Variants in TBC1D14 observed in about 807,000 individuals in gnomAD.
TBC1D14 encodes the protein TBC1 domain family member 14, also known as TBC1 domain family, member 14.
TBC1D14 carries 26 observed loss-of-function variants against 79.0 expected under a neutral mutation model. The ratio of observed to expected loss-of-function variants is 0.33; its 90% confidence interval spans 0.24 to 0.46. The LOEUF is 0.46. Among genes scored for constraint, TBC1D14 ranks in the 20% least tolerant of loss-of-function variants. The probability of loss-of-function intolerance (pLI) is 1.00; values close to 1 mark genes in which losing one functional copy is unlikely to be tolerated. For synonymous variants in TBC1D14, 394 were observed against 349.9 expected (o/e 1.13, Z -1.40); for missense variants, 769 against 887.6 (o/e 0.87, Z 1.70).
intron 8 of TBC1D14, among the ~76,000 whole-genome samples, chr4:7,005,249 A>G (rs1255251360): frequency 6.6e-6 from 1 of 152,188 alleles, no homozygotes; most frequent in African/African-American, 2.4e-5. Context: ...AAAATACAAA[A>G]ATTAGGCTGG....
rs1553865896 is a variant in TBC1D14 at position 6,988,899 on chromosome 4, T to TC, written c.844-5285_844-5284insC. ...TTTCTTTCTTTCTTTTTTTTTTTTT[T>TC]TTTTTTTTTGAGACAGGGTCTTGTC... On this transcript the variant is annotated intron_variant, in intron 3 of 13. Coordinates refer to ENST00000409757, the MANE Select transcript of TBC1D14 (RefSeq NM_020773.3). Among the ~76,000 whole-genome samples, 129 of 141,154 alleles carry TC rather than the reference T, an allele frequency of 9.1e-4. 1 individual carries two copies. In the East Asian group the frequency reaches 0.022, roughly 25 times the overall value. The allele number at this position is 141,154 out of a possible 152,430, so 92.6% of individuals were successfully genotyped here. A position where few individuals can be genotyped will look rare whatever the true frequency, so the allele number is the denominator to read the frequency against.
At chr4:6,912,459 G>T (rs1173900744) in intron 1 of TBC1D14, among the ~76,000 whole-genome samples, 1 of 152,100 alleles carries the variant, frequency 6.6e-6, no homozygotes, top group Non-Finnish European at 1.5e-5. Context: ...ATTCTTGATT[G>T]TCCATCTGGA....
intron 3 of TBC1D14, among the ~76,000 whole-genome samples, chr4:6,990,304 C>T (rs550455499): frequency 2.9e-4 from 44 of 152,308 alleles, no homozygotes; most frequent in African/African-American, 1.0e-3. Context: ...CAAAAATTAG[C>T]TGGGCCTGGT....
chr4:7,001,686 C>T (rs772806753), intron 7 of TBC1D14, among the ~76,000 whole-genome samples: 2 of 152,080 alleles, frequency 1.3e-5, no homozygotes, highest in South Asian at 2.1e-4. Context: ...GCTGGGACTG[C>T]GGTCCTTGGG....
intron 3 of TBC1D14, among the ~76,000 whole-genome samples, chr4:6,991,077 G>A (rs1202290459): frequency 2.6e-5 from 4 of 152,210 alleles, no homozygotes; most frequent in Non-Finnish European, 5.9e-5. Context: ...TCTTCTGAAA[G>A]GGTGCCTAAG....
intron 3 of TBC1D14, among the ~76,000 whole-genome samples, chr4:6,980,232 A>G (rs1268653129): frequency 6.6e-6 from 1 of 152,238 alleles, no homozygotes. Context: ...TAGACTAGAA[A>G]ACAGTGACAG....
chr4:7,016,911 G>A lies in TBC1D14; in HGVS notation c.1757+2354G>A, dbSNP rs115879547. Among the ~76,000 whole-genome samples, 934 of 152,256 alleles carry A rather than the reference G, an allele frequency of 6.1e-3. 11 individuals carry two copies. The highest frequency in any genetic ancestry group is 0.021 in the African/African-American group (863 of 41,538). On this transcript the variant is annotated intron_variant, in intron 12 of 13. Coordinates refer to ENST00000409757, the MANE Select transcript of TBC1D14 (RefSeq NM_020773.3). ...AGGGGCAAAGACAAAAGGCACCAGC[G>A]TTTTTTGACTCGAGTGCTTCTCACA... is the stretch of plus-strand genomic sequence containing the variant.
At chr4:6,994,875 A>C (rs1003827924) in intron 4 of TBC1D14, among the ~76,000 whole-genome samples, 5 of 152,136 alleles carry the variant, frequency 3.3e-5, no homozygotes, top group African/African-American at 1.2e-4. Context: ...AAAAAAAAAA[A>C]AAAAAAGAAG....
At position 7,032,018 on chromosome 4, in the gene TBC1D14, C is replaced by T. The variant is rs1016570096; in HGVS notation, c.*1626C>T. ...CCCGTGCCCTCCTTCCCAGCACTATCATGTGTCACGTTTCCCGGACTCTGC... is the reference window on the plus strand; with the variant it reads ...CCCGTGCCCTCCTTCCCAGCACTATTATGTGTCACGTTTCCCGGACTCTGC... On this transcript the variant is annotated 3_prime_UTR_variant, in exon 14 of 14. Coordinates refer to ENST00000409757, the MANE Select transcript of TBC1D14 (RefSeq NM_020773.3). 6.6e-6 allele frequency: 1 copy of T among 152,380 alleles called. No homozygotes were observed. The highest frequency in any genetic ancestry group is 1.5e-5 in the Non-Finnish European group (1 of 68,106). The allele number at this position is 152,380 out of a possible 1,614,324, so 9.4% of individuals were successfully genotyped here. A position where few individuals can be genotyped will look rare whatever the true frequency, so the allele number is the denominator to read the frequency against.
At chr4:6,997,635 T>A (rs568735271) in intron 5 of TBC1D14, among the ~76,000 whole-genome samples, 21 of 151,802 alleles carry the variant, frequency 1.4e-4, no homozygotes, top group African/African-American at 4.1e-4. Flanking sequence ...CAAAAAAAAA[T>A]AATAAAAATA....
At chr4:6,925,240 C>G (rs1724197244) in intron 2 of TBC1D14, among the ~76,000 whole-genome samples, 1 of 152,196 alleles carries the variant, frequency 6.6e-6, no homozygotes, top group Admixed American at 6.5e-5. Flanking sequence ...GCACTCCAGC[C>G]TGGGCGACAG....
intron 1 of TBC1D14, among the ~76,000 whole-genome samples, chr4:6,912,263 C>T (rs1046198229): frequency 1.3e-5 from 2 of 151,840 alleles, no homozygotes; most frequent in Non-Finnish European, 2.9e-5. Context: ...GTGGTGCGTG[C>T]CAGCTACTTG....
intron 1 of TBC1D14, among the ~76,000 whole-genome samples, chr4:6,914,790 A>T (rs568707429): frequency 6.6e-6 from 1 of 152,244 alleles, no homozygotes; most frequent in African/African-American, 2.4e-5. Context: ...CTGTAATCCC[A>T]GCACTTTGGG....
intron 11 of TBC1D14, among the ~76,000 whole-genome samples, chr4:7,012,662 G>A (rs148353789): frequency 2.0e-5 from 3 of 152,312 alleles, no homozygotes; most frequent in Admixed American, 6.5e-5. Flanking sequence ...AAGATAAAAC[G>A]TAAACTATAG....
At chr4:6,978,528 G>C (rs1337518529) in intron 3 of TBC1D14, among the ~76,000 whole-genome samples, 3 of 148,712 alleles carry the variant, frequency 2.0e-5, no homozygotes, top group Non-Finnish European at 4.5e-5. Flanking sequence ...TTGTTAAACA[G>C]ATGCTTGAAG....
chr4:6,949,490 C>T (rs1015687426), intron 2 of TBC1D14, among the ~76,000 whole-genome samples: 7 of 152,154 alleles, frequency 4.6e-5, no homozygotes, highest in Admixed American at 2.0e-4. Flanking sequence ...GGAGACCAGC[C>T]TGACCAACAT....
chr4:6,911,980 A>G (rs4432749), intron 1 of TBC1D14, among the ~76,000 whole-genome samples: 69,050 of 152,088 alleles, frequency 0.45, 16,307 homozygotes, highest in East Asian at 0.68. Context: ...AGATGGGGTC[A>G]TGGTATATTG....
At chr4:6,957,902 A>G (rs1577084176) in intron 2 of TBC1D14, among the ~76,000 whole-genome samples, 1 of 151,944 alleles carries the variant, frequency 6.6e-6, no homozygotes, top group Admixed American at 6.6e-5. Context: ...GACTCTCAGG[A>G]AAAAATAAAT....
chr4:6,950,421 G>A (rs1713925501), intron 2 of TBC1D14, among the ~76,000 whole-genome samples: 1 of 152,048 alleles, frequency 6.6e-6, no homozygotes, highest in African/African-American at 2.4e-5. Flanking sequence ...TTGTCTTATT[G>A]TATGGCCAGG....
Sources: allele counts gnomAD v4.1 joint callset (sites outside exome capture counted in the v4.1 genomes callset), GRCh38; gene constraint gnomAD v4.1.1; transcripts MANE v1.5; gene names NCBI Gene and HGNC (gene_info 2026-07-23, HGNC 2026-07-21).